Variants in CRACDL observed in about 807,000 individuals in gnomAD.
The protein encoded by CRACDL is CRACD like.
CRACDL carries 26 observed loss-of-function variants against 70.6 expected under a neutral mutation model. The observed-to-expected ratio is 0.37, with a 90% CI of 0.27 to 0.51. The LOEUF (loss-of-function observed/expected upper bound fraction) is 0.51, where lower values mean the gene tolerates loss of function less well. Among genes scored for constraint, CRACDL ranks in the 20% least tolerant of loss-of-function variants. The pLI is 0.94. For missense variants in CRACDL, 1,283 were observed against 1,376.9 expected (o/e 0.93, Z 1.08); for synonymous variants, 618 against 615.2 (o/e 1.00, Z -0.07).
At chr2:98,806,896 T>C (rs1225186445) in intron 7 of CRACDL, among the ~76,000 whole-genome samples, 2 of 152,198 alleles carry the variant, frequency 1.3e-5, no homozygotes, top group African/African-American at 4.8e-5. Context: ...GAGTAAGTAA[T>C]CCATTCCAGG....
chr2:98,913,603 C>T (rs1342266360), intron 1 of CRACDL, among the ~76,000 whole-genome samples: 1 of 152,014 alleles, frequency 6.6e-6, no homozygotes, highest in African/African-American at 2.4e-5. Context: ...AGCCGATGGA[C>T]TCACCCAGGA....
intron 7 of CRACDL, among the ~76,000 whole-genome samples, chr2:98,818,666 A>G (rs538446045): frequency 2.2e-4 from 33 of 152,322 alleles, no homozygotes; most frequent in South Asian, 1.5e-3. Flanking sequence ...CTTCTAGCTA[A>G]TGTAATTTGG....
chr2:98,848,788 A>G (rs1399711436), intron 1 of CRACDL, among the ~76,000 whole-genome samples: 1 of 152,170 alleles, frequency 6.6e-6, no homozygotes, highest in Non-Finnish European at 1.5e-5. Context: ...GGGTTTCGCC[A>G]TGTTGGCCAG....
At chr2:98,871,136 C>A (rs1364658325) in intron 1 of CRACDL, among the ~76,000 whole-genome samples, 1 of 152,186 alleles carries the variant, frequency 6.6e-6, no homozygotes, top group African/African-American at 2.4e-5. Context: ...CTTTCTTTGC[C>A]CTTCTTTGCT....
At chr2:98,934,748 A>C (rs1444515594) in intron 1 of CRACDL, among the ~76,000 whole-genome samples, 1 of 152,256 alleles carries the variant, frequency 6.6e-6, no homozygotes, top group East Asian at 1.9e-4. Context: ...GGGGGTACCA[A>C]AAATGCAGTC....
chr2:98,911,000 T>G (rs948533126), intron 1 of CRACDL, among the ~76,000 whole-genome samples: 1 of 152,190 alleles, frequency 6.6e-6, no homozygotes, highest in African/African-American at 2.4e-5. Flanking sequence ...AAGACACCTT[T>G]ATTTTTAAAG....
chr2:98,894,121 G>A (rs1041803307), intron 1 of CRACDL, among the ~76,000 whole-genome samples: 4 of 152,182 alleles, frequency 2.6e-5, no homozygotes, highest in East Asian at 1.9e-4. Flanking sequence ...CGCCAGTGGC[G>A]CTGGCTATAT....
At chr2:98,905,507 AC>A (rs1708389039) in intron 1 of CRACDL, among the ~76,000 whole-genome samples, 1 of 152,354 alleles carries the variant, frequency 6.6e-6, no homozygotes, top group East Asian at 1.9e-4. Context: ...TTTTTAAGTT[AC>A]CCAGTCTCAG....
chr2:98,903,935 G>C (rs779935166), intron 1 of CRACDL, among the ~76,000 whole-genome samples: 1 of 152,180 alleles, frequency 6.6e-6, no homozygotes, highest in African/African-American at 2.4e-5. Flanking sequence ...CCTGGGTGAC[G>C]CTCCTTTGTC....
At chr2:98,841,347 T>C (rs544362343) in intron 2 of CRACDL, among the ~76,000 whole-genome samples, 6 of 152,268 alleles carry the variant, frequency 3.9e-5, no homozygotes, top group African/African-American at 1.2e-4. Context: ...TGTTTTTTAA[T>C]TGATCTTTAA....
chr2:98,814,223 T>G (rs961256779), intron 7 of CRACDL, among the ~76,000 whole-genome samples: 2 of 152,182 alleles, frequency 1.3e-5, no homozygotes, highest in African/African-American at 4.8e-5. Flanking sequence ...AGTTTGCTTT[T>G]CTTTTTCTAG....
chr2:98,822,191 T>C lies in CRACDL; in HGVS notation c.2082A>G (p.Lys694=). The stretch of plus-strand genomic sequence containing the variant: ...CCTCCTGAGAGGCGCCATCCCTGTA[T>C]TTGAGCGAGAGGGAGGTGGACCGGA... ...VKLRSTSLSL[K]YRDGASQEVK... is the part of the protein sequence containing the mutation. Residue 694 remains lysine, a synonymous_variant, in exon 7 of 10, where the codon AAA becomes AAG. Transcript: ENST00000397899. This position sits in a 1 kb window ranked among gnomAD's most constrained non-coding sequence, Gnocchi z 4.9. 6.2e-7 allele frequency: 1 copy of C among 1,611,242 alleles called. No homozygotes were observed. The highest frequency in any genetic ancestry group is 2.2e-5 in the East Asian group (1 of 44,814).
At chr2:98,851,101 C>T (rs1025884839) in intron 1 of CRACDL, among the ~76,000 whole-genome samples, 6 of 152,222 alleles carry the variant, frequency 3.9e-5, no homozygotes, top group Admixed American at 6.5e-5. Context: ...ACTCTCCAGG[C>T]TGTTTGGACC....
At chr2:98,894,948 CA>C (rs1329994136) in intron 1 of CRACDL, among the ~76,000 whole-genome samples, 1 of 152,016 alleles carries the variant, frequency 6.6e-6, no homozygotes. Flanking sequence ...TTTACAAACA[CA>C]AAAAATTAAA....
intron 7 of CRACDL, among the ~76,000 whole-genome samples, chr2:98,807,661 AT>A (rs1358266169): frequency 2.6e-5 from 4 of 152,186 alleles, no homozygotes; most frequent in Non-Finnish European, 4.4e-5. Flanking sequence ...TTCTTTTCTT[AT>A]TTACTAAATA....
chr2:98,915,684 AT>A (rs1558638130), intron 1 of CRACDL, among the ~76,000 whole-genome samples: 1 of 152,102 alleles, frequency 6.6e-6, no homozygotes, highest in Non-Finnish European at 1.5e-5. Flanking sequence ...GGTGGGGGAA[AT>A]AGCTGTGAGC....
intron 6 of CRACDL, among the ~76,000 whole-genome samples, chr2:98,825,260 G>A (rs183232450): frequency 4.6e-5 from 7 of 152,276 alleles, no homozygotes; most frequent in East Asian, 1.9e-4. Context: ...ATCCATGCCC[G>A]CTCCTTACCA....
At chr2:98,893,867 T>C (rs573494086) in intron 1 of CRACDL, among the ~76,000 whole-genome samples, 3 of 152,206 alleles carry the variant, frequency 2.0e-5, no homozygotes, top group Non-Finnish European at 2.9e-5. Context: ...CAAATACTTA[T>C]GATCGCATCC....
At chr2:98,910,736 A>C (rs1181222681) in intron 1 of CRACDL, among the ~76,000 whole-genome samples, 5 of 152,182 alleles carry the variant, frequency 3.3e-5, no homozygotes, top group Non-Finnish European at 5.9e-5. Flanking sequence ...TCAGGGTTGC[A>C]GTTCACCAGG....
Sources: allele counts gnomAD v4.1 joint callset (sites outside exome capture counted in the v4.1 genomes callset), GRCh38; gene constraint gnomAD v4.1.1; non-coding constraint Gnocchi (gnomAD v3.1); transcripts MANE v1.5; gene names NCBI Gene and HGNC (gene_info 2026-07-23, HGNC 2026-07-21).